Variants in LMX1B observed in about 807,000 individuals in gnomAD.
LMX1B encodes LIM homeobox transcription factor 1 beta.
LMX1B carries 12 observed loss-of-function variants against 51.4 expected under a neutral mutation model. The ratio of observed to expected loss-of-function variants is 0.23; its 90% CI spans 0.15 to 0.38. LMX1B has a LOEUF of 0.38. Ranked by LOEUF, LMX1B falls within the 10% of genes least tolerant of loss-of-function variation. The probability of loss-of-function intolerance (pLI) is 1.00; values close to 1 mark genes in which losing one functional copy is unlikely to be tolerated. For missense variants in LMX1B, 445 were observed against 571.1 expected (o/e 0.78, Z 2.25); for synonymous variants, 237 against 235.4 (o/e 1.01, Z -0.06).
intron 2 of LMX1B, among the ~76,000 whole-genome samples, chr9:126,666,155 C>T (rs973242161): frequency 6.6e-6 from 1 of 152,234 alleles, no homozygotes; most frequent in Non-Finnish European, 1.5e-5. Flanking sequence ...GAGGCACAGA[C>T]GGGTCTGAAC....
At chr9:126,668,085 A>T (rs1318405530) in intron 2 of LMX1B, among the ~76,000 whole-genome samples, 1 of 152,050 alleles carries the variant, frequency 6.6e-6, no homozygotes, top group African/African-American at 2.4e-5. Context: ...GACTGAAAGG[A>T]GCTGAGTGTC....
At chr9:126,657,951 C>T (rs952042655) in intron 2 of LMX1B, among the ~76,000 whole-genome samples, 11 of 152,142 alleles carry the variant, frequency 7.2e-5, no homozygotes, top group African/African-American at 2.2e-4. Context: ...CCTCACTTAG[C>T]AGCACAGTCC....
chr9:126,643,438 G>A (rs1308210113), intron 2 of LMX1B, among the ~76,000 whole-genome samples: 1 of 152,140 alleles, frequency 6.6e-6, no homozygotes, highest in Admixed American at 6.5e-5. Flanking sequence ...GAGTCCTTGG[G>A]CAACTCACAA....
chr9:126,689,426 A>G (rs1361731170), intron 2 of LMX1B, among the ~76,000 whole-genome samples: 2 of 152,248 alleles, frequency 1.3e-5, no homozygotes, highest in Non-Finnish European at 2.9e-5. Flanking sequence ...ATAAAGAGGG[A>G]TGGGATGTGC....
chr9:126,629,027 A>G (rs1835586316), intron 2 of LMX1B, among the ~76,000 whole-genome samples: 1 of 151,728 alleles, frequency 6.6e-6, no homozygotes, highest in African/African-American at 2.4e-5. Context: ...CCCTTTCTAT[A>G]GCAGTATGTA....
chr9:126,687,531 A>G (rs1266287171), intron 2 of LMX1B, among the ~76,000 whole-genome samples: 1 of 152,132 alleles, frequency 6.6e-6, no homozygotes, highest in Non-Finnish European at 1.5e-5. Flanking sequence ...CGCTGGCCTG[A>G]TCATTCCCAT....
intron 5 of LMX1B, 51 bp from the exon 6 acceptor site, chr9:126,693,695 T>C: frequency 6.3e-7 from 1 of 1,586,136 alleles, no homozygotes; most frequent in Non-Finnish European, 8.6e-7. Flanking sequence ...TGGGGCTGGC[T>C]GTGCCTGGGG....
chr9:126,637,820 C>T (rs1209486930), intron 2 of LMX1B, among the ~76,000 whole-genome samples: 1 of 93,628 alleles, frequency 1.1e-5, no homozygotes, highest in Non-Finnish European at 2.1e-5. Flanking sequence ...TGGTGCCTGT[C>T]CTCCCCCCCC....
intron 2 of LMX1B, among the ~76,000 whole-genome samples, chr9:126,621,273 C>T (rs1354227348): frequency 2.6e-5 from 4 of 152,226 alleles, no homozygotes; most frequent in South Asian, 2.1e-4. Flanking sequence ...CAAGGAGCCG[C>T]GTGTGAGCTG....
At chr9:126,646,985 G>T (rs1835914475) in intron 2 of LMX1B, among the ~76,000 whole-genome samples, 1 of 152,198 alleles carries the variant, frequency 6.6e-6, no homozygotes, top group Non-Finnish European at 1.5e-5. Context: ...TGCTTTGGTG[G>T]ATCAGGGAAG....
intron 2 of LMX1B, among the ~76,000 whole-genome samples, chr9:126,662,131 CTTTGCTG>C (rs1168713087): frequency 6.6e-6 from 1 of 152,216 alleles, no homozygotes; most frequent in Admixed American, 6.5e-5. Context: ...CCAGTCCCTG[CTTTGCTG>C]TTTGCCCGCT....
intron 2 of LMX1B, among the ~76,000 whole-genome samples, chr9:126,683,435 C>T (rs1023104371): frequency 3.9e-5 from 6 of 152,142 alleles, no homozygotes; most frequent in African/African-American, 1.4e-4. Flanking sequence ...GCGGCAGGCA[C>T]GTGGGGGAGA....
In LMX1B at chr9:126,674,164, G is replaced by A. The variant is rs1049068735; in HGVS notation, c.327-16672G>A. ...GAGGGCTCCAGGGCATCAAGAGCTT[G>A]CTCCTCCCCGCACCAGGGAGCCAAG... On this transcript the variant is annotated intron_variant, in intron 2 of 7. Coordinates refer to ENST00000373474, the MANE Select transcript of LMX1B (RefSeq NM_001174147.2). Among the ~76,000 whole-genome samples, 2 of 152,064 alleles carry A rather than the reference G, an allele frequency of 1.3e-5. 1 individual carries two copies. Among genetic ancestry groups the A allele is most frequent in the African/African-American group, 4.8e-5 (2 of 41,378 alleles).
chr9:126,696,016 A>ACGGGGC lies in LMX1B; in HGVS notation c.1051+14_1051+15insGGGGCC. On this transcript the variant is annotated intron_variant, in intron 7 of 7. Transcript: ENST00000373474. ...ATGAACCCCTATGGTAAGCCGCCCTACCCCCACCCGCCCGCCCCAGCACAG... is the reference window on the plus strand; with the variant it reads ...ATGAACCCCTATGGTAAGCCGCCCTACGGGGCCCCCCACCCGCCCGCCCCAGCACAG... 1 of 1,512,698 alleles carries ACGGGGC rather than the reference A, an allele frequency of 6.6e-7. No individual in the cohort carries two copies. The highest frequency in any genetic ancestry group is 8.8e-7 in the Non-Finnish European group (1 of 1,131,794). The allele number at this position is 1,512,698 out of a possible 1,614,324, so 93.7% of individuals were successfully genotyped here. A position where few individuals can be genotyped will look rare whatever the true frequency, so the allele number is the denominator to read the frequency against.
rs368271283 is a variant in LMX1B, at chr9:126,695,245, G to A, written c.887-594G>A. Among the ~76,000 whole-genome samples, 14 of 152,102 alleles carry A rather than the reference G, an allele frequency of 9.2e-5. No homozygotes were observed. Among genetic ancestry groups the A allele is most frequent in the Admixed American group, 4.6e-4 (7 of 15,286 alleles). ...CCCTCCAGCGGCTCCCAGCGGCCTCGGGGACCCCCACCCAGCTCGGCACCC... is the reference window on the plus strand; with the variant it reads ...CCCTCCAGCGGCTCCCAGCGGCCTCAGGGACCCCCACCCAGCTCGGCACCC... On this transcript the variant is annotated intron_variant, in intron 6 of 7. Transcript: ENST00000373474. This position sits in a 1 kb window ranked among gnomAD's most constrained non-coding sequence, Gnocchi z 5.2.
chr9:126,662,445 G>T (rs1265792146), intron 2 of LMX1B, among the ~76,000 whole-genome samples: 1 of 152,210 alleles, frequency 6.6e-6, no homozygotes, highest in African/African-American at 2.4e-5. Flanking sequence ...GTGGGACCAG[G>T]ATCTGTTTGC....
intron 2 of LMX1B, among the ~76,000 whole-genome samples, chr9:126,664,711 T>TA (rs1564160073): frequency 6.6e-6 from 1 of 152,194 alleles, no homozygotes; most frequent in Admixed American, 6.5e-5. Flanking sequence ...CCGTCGATAC[T>TA]AAAAAATACA....
rs999716270 is a variant in LMX1B, at chr9:126,696,691, C to G, written c.*240C>G. ...AGAGACCTTGTCATCCCCAGGGACC[C>G]AGAGCTCTCGGACGGCCACTCGCCT... On this transcript the variant is annotated 3_prime_UTR_variant, in exon 8 of 8. Transcript: ENST00000373474. The G allele has an allele frequency of 1.6e-5, 9 of 572,498 alleles. No homozygotes were observed. The highest frequency in any genetic ancestry group is 2.5e-5 in the Non-Finnish European group (8 of 321,780). The allele number at this position is 572,498 out of a possible 1,614,324, so 35.5% of individuals were successfully genotyped here.
At chr9:126,680,562 C>G (rs1344074496) in intron 2 of LMX1B, among the ~76,000 whole-genome samples, 1 of 152,076 alleles carries the variant, frequency 6.6e-6, no homozygotes, top group East Asian at 1.9e-4. Context: ...AGCTGCTGAC[C>G]TCAGTGAGAA....
Sources: allele counts gnomAD v4.1 joint callset (sites outside exome capture counted in the v4.1 genomes callset), GRCh38; gene constraint gnomAD v4.1.1; non-coding constraint Gnocchi (gnomAD v3.1); transcripts MANE v1.5; gene names NCBI Gene and HGNC (gene_info 2026-07-23, HGNC 2026-07-21).